Variants in PRRC2B observed in about 807,000 individuals in gnomAD.
PRRC2B encodes the protein proline rich coiled-coil 2B, also known as protein PRRC2B.
PRRC2B carries 68 observed loss-of-function variants against 242.3 expected under a neutral mutation model. The observed-to-expected ratio is 0.28, with a 90% CI of 0.23 to 0.34. The LOEUF is 0.34. Ranked by LOEUF, PRRC2B falls within the 10% of genes least tolerant of loss-of-function variation. PRRC2B has a pLI of 1.00. For missense variants in PRRC2B, 2,835 were observed against 2,954.8 expected (o/e 0.96, Z 0.94); for synonymous variants, 1,228 against 1,173.6 (o/e 1.05, Z -0.95).
Position 131,494,008 on chromosome 9 carries a change from C to T in PRRC2B, c.6474-397C>T, listed in dbSNP as rs1944264892. On this transcript the variant is annotated intron_variant, in intron 30 of 31. Transcript: ENST00000683519. The surrounding 1 kb of genome is among the most constrained non-coding windows in gnomAD (Gnocchi z 4.3). ...AAGTGAAGACTAGAACAATACTCGG[C>T]ACAGTTCTGGCTCAGCGTCAGGCTT... Among the ~76,000 whole-genome samples the T allele has an allele frequency of 6.6e-6, 1 of 152,256 alleles. No homozygotes were observed. Among genetic ancestry groups the T allele is most frequent in the Admixed American group, 6.5e-5 (1 of 15,288 alleles).
intron 1 of PRRC2B, among the ~76,000 whole-genome samples, chr9:131,419,344 C>T (rs1004270417): frequency 2.6e-5 from 4 of 152,150 alleles, no homozygotes; most frequent in Admixed American, 6.5e-5. Flanking sequence ...GTTTGAAGGT[C>T]TGCTCTCTGT....
rs114854787 is a variant in PRRC2B at position 131,431,145 on chromosome 9, T to C, written c.115+886T>C. 3.9e-3 allele frequency among the ~76,000 whole-genome samples: 599 copies of C among 152,144 alleles called. 2 individuals carry two copies. Among genetic ancestry groups the C allele is most frequent in the African/African-American group, 0.014 (580 of 41,498 alleles). On this transcript the variant is annotated intron_variant, in intron 2 of 31. Coordinates refer to ENST00000683519, the MANE Select transcript of PRRC2B (RefSeq NM_013318.4). ...TTGCTTTTTGTTTTTTGTTTTTCTT[T>C]TTTGAGACGGAGTCTCACTCTGTCA...
At chr9:131,435,293 A>G (rs1038491654) in intron 3 of PRRC2B, among the ~76,000 whole-genome samples, 4 of 144,766 alleles carry the variant, frequency 2.8e-5, no homozygotes, top group African/African-American at 7.7e-5. Context: ...GCGAGATTCC[A>G]TCTCGAAAAA....
At chr9:131,467,366 A>C (rs1943426463) in intron 12 of PRRC2B, among the ~76,000 whole-genome samples, 197 bp from the exon 13 acceptor site, 1 of 152,204 alleles carries the variant, frequency 6.6e-6, no homozygotes, top group Non-Finnish European at 1.5e-5. Flanking sequence ...CAACAGGTGA[A>C]GCCTCCTCAC....
At chr9:131,468,524 T>TTCCACCCATC (rs1246254910) in intron 13 of PRRC2B, among the ~76,000 whole-genome samples, 1 of 152,192 alleles carries the variant, frequency 6.6e-6, no homozygotes. Flanking sequence ...ATGGTTGTAA[T>TTCCACCCATC]TCCACCCATC....
chr9:131,378,406 A>G (rs1836713212), intron 1 of PRRC2B, among the ~76,000 whole-genome samples: 1 of 151,858 alleles, frequency 6.6e-6, no homozygotes, highest in Non-Finnish European at 1.5e-5. Context: ...GAGGAGGACC[A>G]TAGCTGGAGG....
chr9:131,431,115 T>C (rs1838153597), intron 2 of PRRC2B, among the ~76,000 whole-genome samples: 1 of 151,302 alleles, frequency 6.6e-6, no homozygotes, highest in South Asian at 2.1e-4. Context: ...CACGCCCGGC[T>C]AATTTTGCTT....
At chr9:131,483,223 C>A (rs1943921707) in intron 22 of PRRC2B, 136 bp from the exon 23 acceptor site, 2 of 846,890 alleles carry the variant, frequency 2.4e-6, no homozygotes, top group Non-Finnish European at 1.9e-6. Context: ...GGCCATCTCG[C>A]TCATATGTGG....
In PRRC2B at chr9:131,475,893, A is replaced by G. The variant is rs751213698; in HGVS notation, c.3764A>G (p.Tyr1255Cys). 6 of 1,613,876 alleles carry G rather than the reference A, an allele frequency of 3.7e-6. No individual in the cohort carries two copies. The highest frequency in any genetic ancestry group is 4.5e-5 in the East Asian group (2 of 44,858). The stretch of plus-strand genomic sequence containing the variant: ...TCCCGGCGACCTACAGACAGAGACT[A>G]TGTCCCAGATTCCTACAGACACCCT... Reference protein sequence around the residue: ...CGSRRPTDRDYVPDSYRHPDA... With the variant: ...CGSRRPTDRDCVPDSYRHPDA... Residue 1255 changes from tyrosine to cysteine, a missense_variant, in exon 16 of 32, where the codon TAT becomes TGT. This residue lies in a region of PRRC2B where 1,536 missense variants were observed against 1,483.1 expected (regional missense o/e 1.04). Coordinates refer to ENST00000683519, the MANE Select transcript of PRRC2B (RefSeq NM_013318.4).
chr9:131,408,948 A>C (rs932324582), intron 1 of PRRC2B, among the ~76,000 whole-genome samples: 1 of 148,460 alleles, frequency 6.7e-6, no homozygotes, highest in Non-Finnish European at 1.5e-5. Flanking sequence ...CAAACTCCCA[A>C]CCTCAGGTGA....
At chr9:131,479,159 G>T in intron 18 of PRRC2B, 93 bp from the exon 19 acceptor site, 1 of 1,285,930 alleles carries the variant, frequency 7.8e-7, no homozygotes, top group Non-Finnish European at 1.1e-6. Context: ...TTTTCAGGTG[G>T]TGTGATTTTT....
At chr9:131,492,555 G>A (rs1423134740) in intron 30 of PRRC2B, among the ~76,000 whole-genome samples, 1 of 152,192 alleles carries the variant, frequency 6.6e-6, no homozygotes, top group East Asian at 1.9e-4. Flanking sequence ...TAGGCATCAG[G>A]ACTGACGTGA....
chr9:131,486,359 G>C (rs77139590), intron 26 of PRRC2B, 177 bp downstream of exon 26: 14,468 of 488,470 alleles, frequency 0.03, 254 homozygotes, highest in Middle Eastern at 0.049. Context: ...GCGAATAATC[G>C]AGACAGGGAA....
chr9:131,471,522 T>C (rs1402908493), intron 14 of PRRC2B, among the ~76,000 whole-genome samples: 1 of 152,256 alleles, frequency 6.6e-6, no homozygotes, highest in Non-Finnish European at 1.5e-5. Flanking sequence ...GTCTGTGTGA[T>C]ACAGACCAGG....
intron 1 of PRRC2B, among the ~76,000 whole-genome samples, chr9:131,376,598 G>A (rs766624190): frequency 2.6e-5 from 4 of 152,122 alleles, no homozygotes; most frequent in Non-Finnish European, 4.4e-5. Context: ...CATGCTTCCC[G>A]GCCTGTGTTT....
At position 131,494,359 on chromosome 9, in the gene PRRC2B, TG is replaced by T; in HGVS notation, c.6474-44del. On this transcript the variant is annotated intron_variant, in intron 30 of 31. Coordinates refer to ENST00000683519, the MANE Select transcript of PRRC2B (RefSeq NM_013318.4). The surrounding 1 kb of genome is among the most constrained non-coding windows in gnomAD (Gnocchi z 4.3). The stretch of plus-strand genomic sequence containing the variant: ...GTGCTAGGCTTTGACTCCATTTCTG[TG>T]GTGACACGTTGTGTATTCTCAACCC... The T allele has an allele frequency of 9.8e-7, 1 of 1,015,856 alleles. No individual in the cohort carries two copies. The highest frequency in any genetic ancestry group is 1.5e-6 in the Non-Finnish European group (1 of 664,040). 62.9% of individuals were successfully genotyped at this position (1,015,856 alleles called of 1,614,324 possible).
chr9:131,376,387 C>T (rs1267648007), intron 1 of PRRC2B, among the ~76,000 whole-genome samples: 1 of 151,234 alleles, frequency 6.6e-6, no homozygotes, highest in Non-Finnish European at 1.5e-5. Flanking sequence ...TGATAACATG[C>T]ATGTAGCATG....
intron 1 of PRRC2B, 132 bp downstream of exon 1, chr9:131,394,395 T>C (rs1194160710): frequency 6.9e-6 from 1 of 144,814 alleles, no homozygotes; most frequent in Non-Finnish European, 1.5e-5. Flanking sequence ...CTGCCCGACC[T>C]TTGTCCGCGA....
In PRRC2B at chr9:131,397,074, A is replaced by G. The variant is rs1477650111; in HGVS notation, c.-52+2811A>G. Reference sequence around the variant, plus strand: ...TGAGATATTTTAGCAGGGTCCTGTCATCCTTTGATTTTTCCTCGCTTCCTG... The same window carrying G: ...TGAGATATTTTAGCAGGGTCCTGTCGTCCTTTGATTTTTCCTCGCTTCCTG... On this transcript the variant is annotated intron_variant, in intron 1 of 31. Coordinates refer to ENST00000683519, the MANE Select transcript of PRRC2B (RefSeq NM_013318.4). 2.0e-5 allele frequency among the ~76,000 whole-genome samples: 3 copies of G among 152,144 alleles called. No individual in the cohort carries two copies. In the East Asian group the frequency reaches 5.8e-4, roughly 29 times the overall value.
Sources: allele counts gnomAD v4.1 joint callset (sites outside exome capture counted in the v4.1 genomes callset), GRCh38; gene constraint gnomAD v4.1.1; regional missense constraint gnomAD v4.1.1; non-coding constraint Gnocchi (gnomAD v3.1); transcripts MANE v1.5; gene names NCBI Gene and HGNC (gene_info 2026-07-23, HGNC 2026-07-21).